Variants in EYS observed in about 807,000 individuals in gnomAD.
EYS encodes the protein EGF-like photoreceptor maintenance factor, also known as protein eyes shut homolog.
Under a neutral mutation model 282.1 loss-of-function variants are expected in EYS, and 250 were observed. The ratio of observed to expected loss-of-function variants is 0.89; its 90% confidence interval spans 0.80 to 0.98. The LOEUF (loss-of-function observed/expected upper bound fraction) is 0.98, where lower values mean the gene tolerates loss of function less well. EYS is among the 50% of genes least tolerant of loss of function. EYS has a pLI of 0.00. For missense variants in EYS, 4,016 were observed against 3,709.0 expected (o/e 1.08, Z -2.15); for synonymous variants, 1,355 against 1,282.9 (o/e 1.06, Z -1.20).
intron 12 of EYS, among the ~76,000 whole-genome samples, chr6:65,095,382 A>G (rs938143940): frequency 6.6e-6 from 1 of 150,996 alleles, no homozygotes; most frequent in African/African-American, 2.4e-5. Flanking sequence ...GTATGATTGA[A>G]AGTTGCTAAG....
chr6:64,464,521 G>A (rs1387207681), intron 26 of EYS, among the ~76,000 whole-genome samples: 1 of 152,048 alleles, frequency 6.6e-6, no homozygotes, highest in East Asian at 1.9e-4. Context: ...TACAAGCAAT[G>A]TAATCTTATA....
intron 29 of EYS, among the ~76,000 whole-genome samples, chr6:64,339,657 A>T (rs115041482): frequency 1.6e-3 from 248 of 151,988 alleles, no homozygotes; most frequent in Admixed American, 2.8e-3. Context: ...AGAAGTCATT[A>T]TACAAAAGAT....
chr6:64,969,228 T>C (rs903544817), intron 14 of EYS, among the ~76,000 whole-genome samples: 4 of 152,160 alleles, frequency 2.6e-5, no homozygotes, highest in Non-Finnish European at 5.9e-5. Context: ...AAAAAGTCTC[T>C]GTCAGTGGTT....
intron 36 of EYS, among the ~76,000 whole-genome samples, chr6:63,814,952 G>A (rs1196074641): frequency 6.6e-6 from 1 of 152,082 alleles, no homozygotes; most frequent in Non-Finnish European, 1.5e-5. Context: ...TACACACACA[G>A]GATATTCTGG....
chr6:65,312,946 C>A (rs1769199880), intron 11 of EYS, among the ~76,000 whole-genome samples: 1 of 152,104 alleles, frequency 6.6e-6, no homozygotes, highest in South Asian at 2.1e-4. Context: ...GTTGTCACTT[C>A]CCCTAATTTA....
Position 64,989,413 on chromosome 6 carries a change from A to ATATATATATATATATATATATG in EYS, c.2259+8168_2259+8169insCATATATATATATATATATATA, listed in dbSNP as rs1459400818. On this transcript the variant is annotated intron_variant, in intron 14 of 42. Transcript: ENST00000503581. The stretch of plus-strand genomic sequence containing the variant: ...AGCTGTAATATATATATATATATAT[A>ATATATATATATATATATATATG]TATGAATATATATGAGAAACAGGAA... 1.6e-5 allele frequency among the ~76,000 whole-genome samples: 2 copies of ATATATATATATATATATATATG among 122,308 alleles called. 1 individual carries two copies. Among genetic ancestry groups the ATATATATATATATATATATATG allele is most frequent in the African/African-American group, 6.9e-5 (2 of 28,816 alleles). The allele number at this position is 122,308 out of a possible 152,430, so 80.2% of individuals were successfully genotyped here. A position where few individuals can be genotyped will look rare whatever the true frequency, so the allele number is the denominator to read the frequency against.
chr6:65,483,703 A>G (rs1765682938), intron 5 of EYS, among the ~76,000 whole-genome samples: 1 of 152,126 alleles, frequency 6.6e-6, no homozygotes, highest in Admixed American at 6.6e-5. Context: ...GTATTAGTTC[A>G]TTTTCATGCT....
At chr6:65,620,706 C>T (rs1766443108) in intron 2 of EYS, among the ~76,000 whole-genome samples, 1 of 150,876 alleles carries the variant, frequency 6.6e-6, no homozygotes, top group South Asian at 2.1e-4. Flanking sequence ...ATAAATTTCC[C>T]TCTACACACT....
rs1159869050 is a variant in EYS at position 64,408,285 on chromosome 6, T to C, written c.5928-19445A>G. On this transcript the variant is annotated intron_variant, in intron 28 of 42. Transcript: ENST00000503581. ...TCAAGGCCTGTAAGACCTTTAGATA[T>C]AAAATATAAATGTGATTGTGACTGC... is the stretch of plus-strand genomic sequence containing the variant. Among the ~76,000 whole-genome samples, 3 of 152,112 alleles carry C rather than the reference T, an allele frequency of 2.0e-5. No individual in the cohort carries two copies. The South Asian group carries it at 6.2e-4, about 31-fold the overall frequency.
chr6:64,129,713 T>C (rs1773905814), intron 31 of EYS, among the ~76,000 whole-genome samples: 1 of 152,224 alleles, frequency 6.6e-6, no homozygotes, highest in South Asian at 2.1e-4. Flanking sequence ...TCCATGCCTA[T>C]GTCCTGAATG....
intron 31 of EYS, among the ~76,000 whole-genome samples, chr6:64,222,755 C>T (rs1766140335): frequency 6.6e-6 from 1 of 151,770 alleles, no homozygotes; most frequent in African/African-American, 2.4e-5. Flanking sequence ...GTTGCAGTAT[C>T]AGAAAAAATA....
chr6:65,703,231 C>A (rs553774651), intron 1 of EYS, among the ~76,000 whole-genome samples: 108 of 152,158 alleles, frequency 7.1e-4, no homozygotes, highest in Middle Eastern at 3.4e-3. Context: ...GTTACTCTCT[C>A]TATATATATG....
intron 2 of EYS, among the ~76,000 whole-genome samples, chr6:65,535,703 G>A (rs910342977): frequency 1.1e-4 from 17 of 152,244 alleles, no homozygotes; most frequent in Non-Finnish European, 2.2e-4. Flanking sequence ...TCCTTACTCA[G>A]CGATGTCAAA....
In EYS at chr6:63,833,479, AT is replaced by A. The variant is rs1771705904; in HGVS notation, c.7229-27108del. 5.3e-5 allele frequency among the ~76,000 whole-genome samples: 8 copies of A among 152,304 alleles called. No homozygotes were observed. The South Asian group carries it at 1.7e-3, about 32-fold the overall frequency. ...TCACAATTGCTTCAAAGAAAATAAAATACCTAGGAATCCAACTTACAAGGGA... is the reference window on the plus strand; with the variant it reads ...TCACAATTGCTTCAAAGAAAATAAAAACCTAGGAATCCAACTTACAAGGGA... On this transcript the variant is annotated intron_variant, in intron 36 of 42. Transcript: ENST00000503581.
intron 12 of EYS, among the ~76,000 whole-genome samples, chr6:65,215,037 G>A (rs767299791): frequency 1.3e-5 from 2 of 152,058 alleles, no homozygotes; most frequent in Non-Finnish European, 2.9e-5. Flanking sequence ...GAGATCTGAT[G>A]AAGAGGTGAA....
chr6:65,109,046 CTTA>C (rs752802002), intron 12 of EYS, among the ~76,000 whole-genome samples: 9 of 152,002 alleles, frequency 5.9e-5, no homozygotes, highest in Middle Eastern at 3.4e-3. Flanking sequence ...CGTCTTTCTC[CTTA>C]TCTCGCTGAG....
intron 5 of EYS, among the ~76,000 whole-genome samples, chr6:65,472,058 T>A (rs1301890727): frequency 6.6e-6 from 1 of 152,036 alleles, no homozygotes; most frequent in Non-Finnish European, 1.5e-5. Context: ...AAACAGTACA[T>A]TTTTTTATGG....
intron 36 of EYS, among the ~76,000 whole-genome samples, chr6:63,854,451 CAG>C (rs1004398963): frequency 9.9e-5 from 15 of 151,968 alleles, no homozygotes; most frequent in African/African-American, 3.4e-4. Flanking sequence ...CGAGGCCTAT[CAG>C]GGGGTGGGTG....
chr6:64,340,179 G>C (rs1162736715), intron 29 of EYS, among the ~76,000 whole-genome samples: 1 of 150,524 alleles, frequency 6.6e-6, no homozygotes, highest in East Asian at 2.0e-4. Context: ...AAGTAAAAAA[G>C]TGTGTGTGTG....
Sources: gnomAD v4.1 joint callset for allele counts (sites outside exome capture counted in the v4.1 genomes callset) on GRCh38, gnomAD v4.1.1 for gene constraint, MANE v1.5 for transcripts, NCBI Gene and HGNC (gene_info 2026-07-23, HGNC 2026-07-21) for gene names.